Variants in UNC5A observed in about 807,000 individuals in gnomAD.
The protein encoded by UNC5A is unc-5 netrin receptor A, also known as netrin receptor UNC5A.
UNC5A carries 20 observed loss-of-function variants against 87.4 expected under a neutral mutation model. The ratio of observed to expected loss-of-function variants is 0.23; its 90% CI spans 0.16 to 0.33. The LOEUF is 0.33. Among genes scored for constraint, UNC5A ranks in the 10% least tolerant of loss-of-function variants. The pLI is 1.00. For missense variants in UNC5A, 844 were observed against 1,133.4 expected, an observed-to-expected ratio of 0.74 and a Z score of 3.67; for synonymous variants, 438 against 482.3, an observed-to-expected ratio of 0.91 and a Z score of 1.20.
At chr5:176,852,118 T>C (rs1757558817) in intron 1 of UNC5A, among the ~76,000 whole-genome samples, 1 of 152,110 alleles carries the variant, frequency 6.6e-6, no homozygotes, top group Non-Finnish European at 1.5e-5. Context: ...ATTCTTTATG[T>C]CTCTCTCAGC....
chr5:176,844,984 C>A lies in UNC5A; in HGVS notation c.71-17640C>A, dbSNP rs1284183830. 6.6e-6 allele frequency among the ~76,000 whole-genome samples: 1 copy of A among 152,176 alleles called. No individual in the cohort carries two copies. The highest frequency in any genetic ancestry group is 2.4e-5 in the African/African-American group (1 of 41,426). ...TATCAGAGGGCGGTGGTCTTGCCCT[C>A]CCCTGAGAGTGAGCAGTAGGCCAAG... On this transcript the variant is annotated intron_variant, in intron 1 of 14. Transcript: ENST00000329542. The surrounding 1 kb of genome is among the most constrained non-coding windows in gnomAD (Gnocchi z 4.2).
At position 176,873,870 on chromosome 5, in the gene UNC5A, G is replaced by A. The variant is rs968373473; in HGVS notation, c.887-98G>A. 5.7e-5 allele frequency: 75 copies of A among 1,316,084 alleles called. No individual in the cohort carries two copies. In the Admixed American group the frequency reaches 6.2e-4, roughly 11 times the overall value. The allele number at this position is 1,316,084 out of a possible 1,614,324, so 81.5% of individuals were successfully genotyped here. A position where few individuals can be genotyped will look rare whatever the true frequency, so the allele number is the denominator to read the frequency against. The stretch of plus-strand genomic sequence containing the variant: ...GCTCCCTAGCTAGTGCAGATGCCCC[G>A]GGGTGCAGACCTCATCCTCCTGGGG... On this transcript the variant is annotated intron_variant, in intron 6 of 14. Transcript: ENST00000329542.
chr5:176,875,284 G>A lies in UNC5A; in HGVS notation c.1378+718G>A, dbSNP rs1758234885. ...CCCGGGCGACAGAACTGTACACCCA[G>A]CTGCCTCCTGGCCAGCTCCATCTGG... On this transcript the variant is annotated intron_variant, in intron 8 of 14. Transcript: ENST00000329542. This position sits in a 1 kb window ranked among gnomAD's most constrained non-coding sequence, Gnocchi z 5.2. Among the ~76,000 whole-genome samples the A allele has an allele frequency of 6.6e-6, 1 of 152,086 alleles. No homozygotes were observed.
chr5:176,862,300 G>A (rs1226605462), intron 1 of UNC5A, among the ~76,000 whole-genome samples: 2 of 152,178 alleles, frequency 1.3e-5, no homozygotes, highest in Non-Finnish European at 2.9e-5. Context: ...TCCCGGGCAG[G>A]GGCCTGCCTG....
chr5:176,843,614 G>A (rs1020896380), intron 1 of UNC5A, among the ~76,000 whole-genome samples: 1 of 152,244 alleles, frequency 6.6e-6, no homozygotes, highest in Non-Finnish European at 1.5e-5. Flanking sequence ...GAAAAGCAGA[G>A]CCGGGGTGTA....
At chr5:176,851,496 G>A (rs117431101) in intron 1 of UNC5A, among the ~76,000 whole-genome samples, 2 of 152,372 alleles carry the variant, frequency 1.3e-5, no homozygotes, top group East Asian at 3.9e-4. Flanking sequence ...GTGGGACAGG[G>A]TCTTTAATTA....
At chr5:176,813,281 T>C (rs564748485) in intron 1 of UNC5A, among the ~76,000 whole-genome samples, 1 of 152,308 alleles carries the variant, frequency 6.6e-6, no homozygotes, top group South Asian at 2.1e-4. Context: ...GGGAGCTGGC[T>C]CCCTTGAAGA....
chr5:176,810,650 C>A lies in UNC5A; in HGVS notation c.-101C>A, dbSNP rs1049908081. 6.3e-6 allele frequency: 2 copies of A among 316,514 alleles called. No individual in the cohort carries two copies. Among genetic ancestry groups the A allele is most frequent in the African/African-American group, 4.6e-5 (2 of 43,914 alleles). The allele number at this position is 316,514 out of a possible 1,614,324, so 19.6% of individuals were successfully genotyped here. A position where few individuals can be genotyped will look rare whatever the true frequency, so the allele number is the denominator to read the frequency against. On this transcript the variant is annotated 5_prime_UTR_variant, in exon 1 of 15. Coordinates refer to ENST00000329542, the MANE Select transcript of UNC5A (RefSeq NM_133369.3). This position sits in a 1 kb window ranked among gnomAD's most constrained non-coding sequence, Gnocchi z 7.3. Reference sequence around the variant, plus strand: ...GGCAGCGCAGTCCGCTGGCATGGGCCCCGGGGGCGCCCCGAGCTGGGGCTC... The same window carrying A: ...GGCAGCGCAGTCCGCTGGCATGGGCACCGGGGGCGCCCCGAGCTGGGGCTC...
Position 176,865,747 on chromosome 5 carries a change from C to A in UNC5A, c.293-2383C>A. The stretch of plus-strand genomic sequence containing the variant: ...GTATGGCAGGGCTCGGAGGCCCACC[C>A]AGCTCTGCAGCCCACTCATTCATGT... On this transcript the variant is annotated intron_variant, in intron 2 of 14. Coordinates refer to ENST00000329542, the MANE Select transcript of UNC5A (RefSeq NM_133369.3). This position sits in a 1 kb window ranked among gnomAD's most constrained non-coding sequence, Gnocchi z 5.3. 2.2e-6 allele frequency: 1 copy of A among 450,454 alleles called. No individual in the cohort carries two copies. Among genetic ancestry groups the A allele is most frequent in the South Asian group, 1.6e-5 (1 of 64,078 alleles). 27.9% of individuals were successfully genotyped at this position (450,454 alleles called of 1,614,324 possible). A position where few individuals can be genotyped will look rare whatever the true frequency, so the allele number is the denominator to read the frequency against.
At chr5:176,854,272 C>T (rs546475573) in intron 1 of UNC5A, among the ~76,000 whole-genome samples, 29 of 150,592 alleles carry the variant, frequency 1.9e-4, no homozygotes, top group Admixed American at 3.9e-4. Context: ...ACCACAGGTG[C>T]TGTCTCTGTC....
Position 176,865,300 on chromosome 5 carries a change from CCT to C in UNC5A, c.292+2458_292+2459del, listed in dbSNP as rs901103458. Among the ~76,000 whole-genome samples, 3 of 152,228 alleles carry C rather than the reference CCT, an allele frequency of 2.0e-5. No individual in the cohort carries two copies. The highest frequency in any genetic ancestry group is 7.2e-5 in the African/African-American group (3 of 41,458). On this transcript the variant is annotated intron_variant, in intron 2 of 14. Transcript: ENST00000329542. The surrounding 1 kb of genome is among the most constrained non-coding windows in gnomAD (Gnocchi z 5.3). ...CCCCTTCCGGGCTCCCCCGCACACCCCTCTGTCTGAAACACCCCTGCCATTAT... is the reference window on the plus strand; with the variant it reads ...CCCCTTCCGGGCTCCCCCGCACACCCCTGTCTGAAACACCCCTGCCATTAT...
rs1415507909 is a variant in UNC5A at position 176,868,635 on chromosome 5, C to T, written c.511C>T (p.Arg171Cys). 1 of 1,604,772 alleles carries T rather than the reference C, an allele frequency of 6.2e-7. No homozygotes were observed. The part of the protein sequence containing the change: ...SLEQGIVLPC[R>C]PPEGIPPAEV... ...GGAGCAGGGCATCGTGCTGCCCTGC[C>T]GTCCACCGGAGGGCATCCCTCCAGC... The change falls in exon 4 of 15, where the codon CGT (arginine) becomes TGT (cysteine). Residue 171 changes from arginine to cysteine, a missense_variant. This residue lies in a region of UNC5A where 314 missense variants were observed against 466.5 expected (regional missense o/e 0.67). Coordinates refer to ENST00000329542, the MANE Select transcript of UNC5A (RefSeq NM_133369.3).
intron 1 of UNC5A, among the ~76,000 whole-genome samples, chr5:176,856,114 G>A (rs1056764735): frequency 4.0e-5 from 6 of 151,274 alleles, no homozygotes; most frequent in African/African-American, 1.5e-4. Context: ...AGGGACGGAG[G>A]CCTTGCTCAG....
At chr5:176,877,809 C>A in intron 10 of UNC5A, 85 bp from the exon 11 acceptor site, 2 of 1,515,160 alleles carry the variant, frequency 1.3e-6, no homozygotes, top group East Asian at 2.4e-5. Flanking sequence ...CCACCCCTCC[C>A]CAGTCTCCGG....
intron 1 of UNC5A, among the ~76,000 whole-genome samples, chr5:176,818,133 C>T (rs1012503378): frequency 2.0e-5 from 3 of 152,212 alleles, no homozygotes; most frequent in African/African-American, 4.8e-5. Context: ...TTCCCGGGCC[C>T]CCTGAGAAGT....
chr5:176,856,526 G>A (rs1413203854), intron 1 of UNC5A, among the ~76,000 whole-genome samples: 1 of 152,214 alleles, frequency 6.6e-6, no homozygotes, highest in Non-Finnish European at 1.5e-5. Flanking sequence ...GGGAGTTTAT[G>A]GTCTAACAAG....
intron 1 of UNC5A, among the ~76,000 whole-genome samples, chr5:176,829,979 A>C (rs1228182704): frequency 6.8e-6 from 1 of 147,408 alleles, no homozygotes; most frequent in Non-Finnish European, 1.5e-5. Context: ...GGTTCAAGCA[A>C]TTCTCCCACC....
At chr5:176,839,540 C>T (rs905660475) in intron 1 of UNC5A, among the ~76,000 whole-genome samples, 1 of 152,220 alleles carries the variant, frequency 6.6e-6, no homozygotes, top group Non-Finnish European at 1.5e-5. Flanking sequence ...TCCCTGGTGC[C>T]CAGGTCACAT....
intron 10 of UNC5A, 52 bp downstream of exon 10, chr5:176,877,755 G>T: frequency 2.0e-6 from 3 of 1,537,796 alleles, no homozygotes; most frequent in Non-Finnish European, 2.6e-6. Flanking sequence ...CTAACTGCAC[G>T]CTCCACCCGG....
Sources: allele counts gnomAD v4.1 joint callset (sites outside exome capture counted in the v4.1 genomes callset), GRCh38; gene constraint gnomAD v4.1.1; regional missense constraint gnomAD v4.1.1; non-coding constraint Gnocchi (gnomAD v3.1); transcripts MANE v1.5; gene names NCBI Gene and HGNC (gene_info 2026-07-23, HGNC 2026-07-21).